The following HEXB variants were observed in gnomAD, a reference collection of about 807,000 sequenced individuals.
The protein encoded by HEXB is hexosaminidase subunit beta.
In HEXB, 51 loss-of-function variants were observed where a neutral mutation model predicts 71.2. That is an observed-to-expected ratio of 0.72 (90% CI 0.57 to 0.90). The LOEUF is 0.90. HEXB is among the 40% of genes least tolerant of loss of function. The pLI is 0.00. For missense variants in HEXB, 617 were observed against 677.0 expected, an observed-to-expected ratio of 0.91 and a Z score of 0.98; for synonymous variants, 266 against 249.3, an observed-to-expected ratio of 1.07 and a Z score of -0.63.
At chr5:74,681,578 A>G (rs926798588), upstream of HEXB, among the ~76,000 whole-genome samples, 2 of 152,178 alleles carry the variant, frequency 1.3e-5, no homozygotes, top group Admixed American at 6.5e-5. Flanking sequence ...TAACCCAACC[A>G]TGAGTATGTT....
At chr5:74,664,430 T>TAAAAAAAAAAAAAAAAAA (rs397998152) in intron 1 of HEXB, among the ~76,000 whole-genome samples, 1 of 79,666 alleles carries the variant, frequency 1.3e-5, no homozygotes, top group Admixed American at 1.4e-4. Context: ...ATTCTATCTC[T>TAAAAAAAAAAAAAAAAAA]AAAAAAAAAA....
rs151305161 is a variant in HEXB, at chr5:74,655,773, C to A, written c.-377+15215C>A. Among the ~76,000 whole-genome samples, 22 of 152,244 alleles carry A rather than the reference C, an allele frequency of 1.4e-4. No homozygotes were observed. The East Asian group carries it at 4.2e-3, about 29-fold the overall frequency. Reference sequence around the variant, plus strand: ...GCATTACTTTTTACATACACAATATCTTTTTATCCTCAAAAATTCTGAATA... The same window carrying A: ...GCATTACTTTTTACATACACAATATATTTTTATCCTCAAAAATTCTGAATA... On this transcript the variant is annotated intron_variant, in intron 1 of 13. Coordinates refer to the HEXB transcript ENST00000511181.
At chr5:74,687,072 C>T (rs1191200297) in intron 1 of HEXB, among the ~76,000 whole-genome samples, 2 of 152,140 alleles carry the variant, frequency 1.3e-5, no homozygotes, top group East Asian at 1.9e-4. Context: ...AAGGCATGTG[C>T]GGGTGATTAC....
upstream of HEXB, among the ~76,000 whole-genome samples, chr5:74,683,165 G>C (rs1173590733): frequency 6.6e-6 from 1 of 152,196 alleles, no homozygotes; most frequent in Non-Finnish European, 1.5e-5. Flanking sequence ...TGGAACAAAA[G>C]TCTTGAGAGC....
In HEXB at chr5:74,716,641, T is replaced by C. The variant is rs1390043460; in HGVS notation, c.1137T>C (p.Asp379=). The change falls in exon 9 of 14, where the codon GAT becomes GAC. Residue 379 remains aspartate, a synonymous_variant. Transcript: ENST00000261416. ...TGAGGCAAAAAGGCTTTGGCACAGATTTTAAGAAACTAGAATCTTTCTACA... is the reference window on the plus strand; with the variant it reads ...TGAGGCAAAAAGGCTTTGGCACAGACTTTAAGAAACTAGAATCTTTCTACA... ...DFMRQKGFGT[D]FKKLESFYIQ... is the part of the protein sequence containing the mutation. 6.2e-7 allele frequency: 1 copy of C among 1,608,932 alleles called. No homozygotes were observed. Among genetic ancestry groups the C allele is most frequent in the Non-Finnish European group, 8.5e-7 (1 of 1,177,156 alleles).
intron 1 of HEXB, among the ~76,000 whole-genome samples, chr5:74,662,063 C>T (rs1043102284): frequency 2.0e-5 from 3 of 152,104 alleles, no homozygotes; most frequent in Non-Finnish European, 4.4e-5. Context: ...AAAAAATAGG[C>T]TTACTTTTAG....
chr5:74,675,163 T>G (rs1748608738), intron 1 of HEXB, among the ~76,000 whole-genome samples: 2 of 152,092 alleles, frequency 1.3e-5, no homozygotes, highest in African/African-American at 2.4e-5. Flanking sequence ...TGGATGGCAA[T>G]TTATTAAAAG....
At chr5:74,701,781 T>C (rs1204257602) in intron 5 of HEXB, among the ~76,000 whole-genome samples, 2 of 152,002 alleles carry the variant, frequency 1.3e-5, no homozygotes, top group Non-Finnish European at 2.9e-5. Context: ...TTATTCTCCC[T>C]CTCTAAAAAT....
At chr5:74,654,410 G>C (rs1748178911) in intron 1 of HEXB, among the ~76,000 whole-genome samples, 1 of 152,150 alleles carries the variant, frequency 6.6e-6, no homozygotes, top group Non-Finnish European at 1.5e-5. Flanking sequence ...CATTGCAGAA[G>C]ATGGCTGTAA....
chr5:74,697,843 G>A (rs549364402), intron 5 of HEXB, among the ~76,000 whole-genome samples: 4 of 151,810 alleles, frequency 2.6e-5, no homozygotes, highest in East Asian at 1.9e-4. Context: ...AAAGGAGTCC[G>A]GGAGCTCCTT....
intron 1 of HEXB, among the ~76,000 whole-genome samples, chr5:74,677,171 G>A (rs886676158): frequency 5.3e-5 from 8 of 151,976 alleles, no homozygotes; most frequent in Admixed American, 1.3e-4. Flanking sequence ...ATGAGTCACC[G>A]CACCCAGCAT....
intron 1 of HEXB, among the ~76,000 whole-genome samples, chr5:74,642,076 G>T (rs565740125): frequency 1.3e-5 from 2 of 152,312 alleles, no homozygotes; most frequent in South Asian, 2.1e-4. Flanking sequence ...CCCACATGGC[G>T]CTTCCAGAGT....
chr5:74,696,581 T>A (rs1696979), intron 3 of HEXB, 112 bp from the exon 4 acceptor site: 6 of 661,630 alleles, frequency 9.1e-6, no homozygotes, highest in Non-Finnish European at 1.7e-5. Flanking sequence ...GGTATAACAC[T>A]ATATTCAATT....
At chr5:74,684,023 G>C (rs374219800), upstream of HEXB, among the ~76,000 whole-genome samples, 1 of 151,928 alleles carries the variant, frequency 6.6e-6, no homozygotes, top group Non-Finnish European at 1.5e-5. Context: ...GTTTCACTTT[G>C]GTGGCCAGGC....
chr5:74,709,110 A>G (rs1055873837), intron 6 of HEXB, among the ~76,000 whole-genome samples: 5 of 152,232 alleles, frequency 3.3e-5, no homozygotes, highest in Non-Finnish European at 7.3e-5. Flanking sequence ...CCACAGTGCA[A>G]TCAAGCTAGA....
chr5:74,690,557 C>T (rs1003910622), intron 2 of HEXB, among the ~76,000 whole-genome samples: 2 of 150,064 alleles, frequency 1.3e-5, no homozygotes, highest in Non-Finnish European at 3.0e-5. Flanking sequence ...GAGGCTGAGG[C>T]AGGAGAATCA....
intron 5 of HEXB, among the ~76,000 whole-genome samples, chr5:74,698,686 G>C (rs1189254068): frequency 6.6e-6 from 1 of 151,828 alleles, no homozygotes; most frequent in Non-Finnish European, 1.5e-5. Context: ...CACCACGCCT[G>C]GCCTAAAAAT....
At chr5:74,664,430 T>TAAAAAAAAAAAAAAAAAAAAAAA (rs397998152) in intron 1 of HEXB, among the ~76,000 whole-genome samples, 2 of 79,634 alleles carry the variant, frequency 2.5e-5, no homozygotes, top group African/African-American at 9.3e-5. Context: ...ATTCTATCTC[T>TAAAAAAAAAAAAAAAAAAAAAAA]AAAAAAAAAA....
At chr5:74,706,508 G>A (rs983025230) in intron 6 of HEXB, among the ~76,000 whole-genome samples, 1 of 152,228 alleles carries the variant, frequency 6.6e-6, no homozygotes, top group Admixed American at 6.5e-5. Context: ...CCTCACTCGG[G>A]AAGCGCAAGG....
Sources: allele counts gnomAD v4.1 joint callset (sites outside exome capture counted in the v4.1 genomes callset), GRCh38; gene constraint gnomAD v4.1.1; transcripts MANE v1.5; gene names NCBI Gene and HGNC (gene_info 2026-07-23, HGNC 2026-07-21).